The following SCN10A variants were observed in gnomAD, a reference collection of about 807,000 sequenced individuals.
SCN10A encodes the protein sodium channel protein type 10 subunit alpha.
SCN10A carries 162 observed loss-of-function variants against 170.7 expected under a neutral mutation model. The ratio of observed to expected loss-of-function variants is 0.95; its 90% CI spans 0.84 to 1.08. SCN10A has a LOEUF of 1.08. Ranked by LOEUF, SCN10A falls within the 50% of genes least tolerant of loss-of-function variation. The pLI is 0.00. For synonymous variants in SCN10A, 985 were observed against 904.6 expected (o/e 1.09, Z -1.59); for missense variants, 2,527 against 2,436.9 (o/e 1.04, Z -0.78).
chr3:38,758,858 C>T (rs1418141072), intron 8 of SCN10A, among the ~76,000 whole-genome samples: 2 of 151,930 alleles, frequency 1.3e-5, no homozygotes, highest in Non-Finnish European at 2.9e-5. Context: ...AACAACTTTA[C>T]CACAAAAAGG....
rs2064474870 is a variant in SCN10A, at chr3:38,816,170, C to T, written c.-166G>A. The stretch of plus-strand genomic sequence containing the variant: ...ATTCAGGCATAGCCAGAAGAAACTC[C>T]ATCTGATGTCTGTTCTCTAGCCAAG... On this transcript the variant is annotated 5_prime_UTR_variant, in exon 1 of 28. It removes an upstream start codon present in the reference 5' UTR. Transcript: ENST00000449082. 1 of 152,228 alleles carries T rather than the reference C, an allele frequency of 6.6e-6. No homozygotes were observed. The highest frequency in any genetic ancestry group is 2.4e-5 in the African/African-American group (1 of 41,462). The allele number at this position is 152,228 out of a possible 1,614,324, so 9.4% of individuals were successfully genotyped here.
At chr3:38,788,654 C>T (rs1183763301) in intron 4 of SCN10A, among the ~76,000 whole-genome samples, 1 of 152,006 alleles carries the variant, frequency 6.6e-6, no homozygotes, top group Non-Finnish European at 1.5e-5. Context: ...CTCATCTTCC[C>T]AGGCCACCTT....
Position 38,750,175 on chromosome 3 carries a change from C to T in SCN10A, c.1765G>A (p.Ala589Thr). 1 of 1,605,456 alleles carries T rather than the reference C, an allele frequency of 6.2e-7. No individual in the cohort carries two copies. The highest frequency in any genetic ancestry group is 8.5e-7 in the Non-Finnish European group (1 of 1,172,666). ...PGAVDVSAFD[A>T]GQKKTFLSAE... ...GACAAGAAAGTCTTCTTTTGTCCTG[C>T]ATCGAATGCCTGTTGAGACACAAAC... Residue 589 changes from alanine to threonine, a missense_variant, in exon 13 of 28, where the codon GCA becomes ACA. Transcript: ENST00000449082.
Position 38,709,597 on chromosome 3 carries a change from A to G in SCN10A, c.4162T>C (p.Trp1388Arg), listed in dbSNP as rs777815787. 6 of 1,606,606 alleles carry G rather than the reference A, an allele frequency of 3.7e-6. No individual in the cohort carries two copies. In the South Asian group the frequency reaches 6.7e-5, roughly 18 times the overall value. The change falls in exon 25 of 28, where the codon TGG (tryptophan) becomes CGG (arginine). Residue 1388 changes from tryptophan (W) to arginine (R), a missense_variant. Physicochemically the swap from Trp to Arg is moderately radical, Grantham distance 101. Transcript: ENST00000449082. ...AAATACATGTACACGTTGTCCTCCC[A>G]CTTGGGTTGCATGTTGACCTGTGAC... is the stretch of plus-strand genomic sequence containing the variant. ...DSREVNMQPKWEDNVYMYLYF... is the reference protein window; with the variant it reads ...DSREVNMQPKREDNVYMYLYF...
chr3:38,809,364 C>A (rs1348581077), intron 1 of SCN10A, among the ~76,000 whole-genome samples: 1 of 152,186 alleles, frequency 6.6e-6, no homozygotes, highest in Non-Finnish European at 1.5e-5. Flanking sequence ...GTGGACATGG[C>A]CTTGAGTTTT....
chr3:38,721,978 G>A (rs2125996853), intron 20 of SCN10A, among the ~76,000 whole-genome samples: 1 of 152,272 alleles, frequency 6.6e-6, no homozygotes, highest in South Asian at 2.1e-4. Context: ...TAAACATTTT[G>A]AGTGTCAGTT....
At position 38,698,361 on chromosome 3, in the gene SCN10A, A is replaced by G. The variant is rs1268657154; in HGVS notation, c.4859T>C (p.Ile1620Thr). 1 of 1,613,926 alleles carries G rather than the reference A, an allele frequency of 6.2e-7. No individual in the cohort carries two copies. The highest frequency in any genetic ancestry group is 8.5e-7 in the Non-Finnish European group (1 of 1,179,908). ...GCTGGACATACCGAAGATAGAGTAG[A>G]TGAACATGACAAGGAATAGCAACAG... is the stretch of plus-strand genomic sequence containing the variant. ...IGLLLFLVMF[I>T]YSIFGMSSFP... The change falls in exon 28 of 28, where the codon ATC becomes ACC. Residue 1620 changes from isoleucine (I) to threonine (T), a missense_variant. By Grantham distance (89) the Ile-to-Thr change is moderately conservative. Transcript: ENST00000449082.
rs1353202737 is a variant in SCN10A, at chr3:38,712,282, A to G, written c.3968T>C (p.Leu1323Ser). 6.2e-7 allele frequency: 1 copy of G among 1,614,224 alleles called. No homozygotes were observed. The highest frequency in any genetic ancestry group is 1.1e-5 in the South Asian group (1 of 91,082). ...GTCAGACTTGTTATTCACAATCGAC[A>G]AAGGTACAAGGGAAAACTCTCCATC... The part of the protein sequence containing the change: ...YTDGEFSLVP[L>S]SIVNNKSDCK... Residue 1323 changes from leucine (L) to serine (S), a missense_variant, in exon 23 of 28, where the codon TTG becomes TCG. Transcript: ENST00000449082.
Position 38,752,138 on chromosome 3 carries a change from A to G in SCN10A, c.1755+81T>C. 4.7e-6 allele frequency: 6 copies of G among 1,285,534 alleles called. No homozygotes were observed. In the South Asian group the frequency reaches 1.1e-4, roughly 23 times the overall value. The allele number at this position is 1,285,534 out of a possible 1,614,324, so 79.6% of individuals were successfully genotyped here. ...AGGATGATGGCTAAAGATCCCTTCC[A>G]TTGGTGATACTCAGGCTTCTTGGCT... is the stretch of plus-strand genomic sequence containing the variant. On this transcript the variant is annotated intron_variant, in intron 12 of 27. Coordinates refer to ENST00000449082, the MANE Select transcript of SCN10A (RefSeq NM_006514.4).
chr3:38,698,187 C>G lies in SCN10A; in HGVS notation c.5033G>C (p.Cys1678Ser). The stretch of plus-strand genomic sequence containing the variant: ...ATTGCTGTTGGGCAGATTGGGGTCA[C>G]AGTAGGGGGGCCCTGTGTTGAGGAT... ...SPILNTGPPYCDPNLPNSNGT... is the reference protein window; with the variant it reads ...SPILNTGPPYSDPNLPNSNGT... Residue 1678 changes from cysteine (C) to serine (S), a missense_variant, in exon 28 of 28, where the codon TGT becomes TCT. Transcript: ENST00000449082. 1 of 1,614,096 alleles carries G rather than the reference C, an allele frequency of 6.2e-7. No individual in the cohort carries two copies.
At chr3:38,808,679 G>A (rs1240226084) in intron 1 of SCN10A, among the ~76,000 whole-genome samples, 2 of 152,152 alleles carry the variant, frequency 1.3e-5, no homozygotes, top group Non-Finnish European at 2.9e-5. Flanking sequence ...CTGTCAGTGT[G>A]CCTAGTTTGA....
In SCN10A at chr3:38,727,067, T is replaced by A. The variant is rs780019769; in HGVS notation, c.2641-15A>T. 3.8e-5 allele frequency: 60 copies of A among 1,593,294 alleles called. No homozygotes were observed. Among genetic ancestry groups the A allele is most frequent in the Non-Finnish European group, 5.0e-5 (58 of 1,163,184 alleles). The stretch of plus-strand genomic sequence containing the variant: ...AGGTTAAGCACCTGAAGAGAAGGAA[T>A]GGAAGGGAAGATTGATCAATCTCTA... On this transcript the variant is annotated splice_polypyrimidine_tract_variant and intron_variant, in intron 16 of 27. Coordinates refer to ENST00000449082, the MANE Select transcript of SCN10A (RefSeq NM_006514.4).
chr3:38,707,485 C>A, intron 25 of SCN10A, 102 bp from the exon 26 acceptor site: 1 of 1,177,866 alleles, frequency 8.5e-7, no homozygotes, highest in Non-Finnish European at 1.2e-6. Flanking sequence ...CTTCTCCCCT[C>A]CTCTGCAGAT....
At chr3:38,786,709 C>T (rs2064208718) in intron 4 of SCN10A, among the ~76,000 whole-genome samples, 1 of 152,100 alleles carries the variant, frequency 6.6e-6, no homozygotes, top group Admixed American at 6.6e-5. Context: ...GTGTGTGGTG[C>T]AAAGTTGGAT....
intron 8 of SCN10A, among the ~76,000 whole-genome samples, chr3:38,759,128 G>C (rs1305143384): frequency 1.3e-5 from 2 of 152,134 alleles, no homozygotes; most frequent in Non-Finnish European, 2.9e-5. Flanking sequence ...GATGAAGGTG[G>C]AGCCTCATGC....
rs77304538 is a variant in SCN10A, at chr3:38,723,143, T to C, written c.3352+287A>G. On this transcript the variant is annotated intron_variant, in intron 19 of 27. Transcript: ENST00000449082. ...TTATGGTGGTGACTACGTTTCCCCC[T>C]TTCAACTCAAGAGGGCTGGTTTAGA... is the stretch of plus-strand genomic sequence containing the variant. Among the ~76,000 whole-genome samples, 1,673 of 152,264 alleles carry C rather than the reference T, an allele frequency of 0.011. 32 individuals carry two copies. The highest frequency in any genetic ancestry group is 0.038 in the African/African-American group (1,587 of 41,542).
In SCN10A at chr3:38,746,073, A is replaced by ATGTGTGTGTG. The variant is rs1553619569; in HGVS notation, c.1868-3545_1868-3544insCACACACACA. Among the ~76,000 whole-genome samples, 2 of 94,856 alleles carry ATGTGTGTGTG rather than the reference A, an allele frequency of 2.1e-5. 1 individual carries two copies. Among genetic ancestry groups the ATGTGTGTGTG allele is most frequent in the Non-Finnish European group, 4.5e-5 (2 of 43,966 alleles). The allele number at this position is 94,856 out of a possible 152,430, so 62.2% of individuals were successfully genotyped here. A position where few individuals can be genotyped will look rare whatever the true frequency, so the allele number is the denominator to read the frequency against. ...TATGTGTGTGTATGTGTATATATAT[A>ATGTGTGTGTG]TATATATATATATATATATATATAT... On this transcript the variant is annotated intron_variant, in intron 13 of 27. Coordinates refer to ENST00000449082, the MANE Select transcript of SCN10A (RefSeq NM_006514.4).
chr3:38,704,751 G>T (rs907371046), intron 26 of SCN10A, among the ~76,000 whole-genome samples: 4 of 152,178 alleles, frequency 2.6e-5, no homozygotes, highest in African/African-American at 4.8e-5. Flanking sequence ...GGTGTGTGAG[G>T]CTCCTATGTG....
chr3:38,752,274 T>C lies in SCN10A; in HGVS notation c.1700A>G (p.Asp567Gly). Residue 567 changes from aspartate (D) to glycine (G), a missense_variant, in exon 12 of 28, where the codon GAT (aspartate) becomes GGT (glycine). By Grantham distance (94) the Asp-to-Gly change is moderately conservative (BLOSUM62 -1). Transcript: ENST00000449082. Reference sequence around the variant, plus strand: ...ACTAGTGGGCGGCGGTTGGTGTTCATCTTCTCCATGCCTGGAGTCAGGGTT... The same window carrying C: ...ACTAGTGGGCGGCGGTTGGTGTTCACCTTCTCCATGCCTGGAGTCAGGGTT... ...PSNPDSRHGE[D>G]EHQPPPTSEL... 8 of 1,589,550 alleles carry C rather than the reference T, an allele frequency of 5.0e-6. No homozygotes were observed. The highest frequency in any genetic ancestry group is 6.9e-6 in the Non-Finnish European group (8 of 1,167,750).
Sources: allele counts gnomAD v4.1 joint callset (sites outside exome capture counted in the v4.1 genomes callset), GRCh38; gene constraint gnomAD v4.1.1; transcripts MANE v1.5; gene names NCBI Gene and HGNC (gene_info 2026-07-23, HGNC 2026-07-21).